PRXL2C: variants seen among roughly 807,000 people sequenced by gnomAD.
PRXL2C encodes peroxiredoxin-like 2C.
Under a neutral mutation model 24.9 loss-of-function variants are expected in PRXL2C, and 38 were observed. That is an observed-to-expected ratio of 1.53 (90% CI 1.18 to 2.00). The LOEUF is 2.00. Ranked by LOEUF, PRXL2C falls within the 30% of genes most tolerant of loss-of-function variation. The pLI is 0.00. For synonymous variants in PRXL2C, 98 were observed against 117.2 expected, an observed-to-expected ratio of 0.84 and a Z score of 1.06; for missense variants, 294 against 290.9, an observed-to-expected ratio of 1.01 and a Z score of -0.08.
chr9:96,654,690 C>T lies in PRXL2C; in HGVS notation c.261+15G>A, dbSNP rs1488080159. ...GCAGAAGCGGGCACTGGGCCGCCCA[C>T]GCTGGGAAACTCACTTGTAAGAAAC... On this transcript the variant is annotated intron_variant, in intron 2 of 5. Coordinates refer to ENST00000375234, the MANE Select transcript of PRXL2C (RefSeq NM_153698.2). 1.3e-6 allele frequency: 2 copies of T among 1,555,442 alleles called. No individual in the cohort carries two copies. Among genetic ancestry groups the T allele is most frequent in the African/African-American group, 1.4e-5 (1 of 73,450 alleles).
chr9:96,643,566 A>G (rs1037964159), intron 5 of PRXL2C, among the ~76,000 whole-genome samples: 1 of 152,146 alleles, frequency 6.6e-6, no homozygotes, highest in African/African-American at 2.4e-5. Context: ...TTATTCTTAC[A>G]CAACAGAAGA....
intron 2 of PRXL2C, among the ~76,000 whole-genome samples, chr9:96,652,426 C>T (rs1848279454): frequency 6.7e-6 from 1 of 150,330 alleles, no homozygotes; most frequent in Non-Finnish European, 1.5e-5. Context: ...GAGGCTGAGG[C>T]AGGAGAATCA....
intron 1 of PRXL2C, 52 bp from the exon 2 acceptor site, chr9:96,654,825 C>G (rs377563610): frequency 6.6e-7 from 1 of 1,505,550 alleles, no homozygotes; most frequent in South Asian, 1.2e-5. Flanking sequence ...CACCCTCGGG[C>G]CCCGAAGGAT....
At chr9:96,649,290 T>C (rs1242606472) in intron 4 of PRXL2C, among the ~76,000 whole-genome samples, 1 of 150,620 alleles carries the variant, frequency 6.6e-6, no homozygotes, top group East Asian at 2.0e-4. Flanking sequence ...AGGAGCCGGG[T>C]GCGGTGGCTC....
chr9:96,639,949 C>T lies in PRXL2C; in HGVS notation c.*1810G>A, dbSNP rs1369747986. The T allele has an allele frequency of 2.0e-5, 3 of 151,736 alleles. No homozygotes were observed. 9.4% of individuals were successfully genotyped at this position (151,736 alleles called of 1,614,324 possible). A position where few individuals can be genotyped will look rare whatever the true frequency, so the allele number is the denominator to read the frequency against. On this transcript the variant is annotated 3_prime_UTR_variant, in exon 6 of 6. Transcript: ENST00000375234. ...CTTTACTAAAAAATAGAAACTTAGC[C>T]AGGCATGGTGGCGCATGCCTGTAAT...
rs548915570 is a variant in PRXL2C at position 96,655,113 on chromosome 9, G to T, written c.169C>A (p.Arg57Ser). 3.5e-6 allele frequency: 5 copies of T among 1,428,496 alleles called. No homozygotes were observed. The South Asian group carries it at 7.0e-5, about 20-fold the overall frequency. The allele number at this position is 1,428,496 out of a possible 1,614,324, so 88.5% of individuals were successfully genotyped here. Residue 57 changes from arginine (R) to serine (S), a missense_variant, in exon 1 of 6, where the codon CGC (arginine) becomes AGC (serine). Physicochemically the swap from Arg to Ser is moderately radical, Grantham distance 110. Coordinates refer to ENST00000375234, the MANE Select transcript of PRXL2C (RefSeq NM_153698.2). ...ACCCGCACGAACACCACCACGGCGC[G>T]GCGCTCCCGGAACAGCGCGCCGAAC... ...VPFGALFRER[R>S]AVVVFVRHFL... is the part of the protein sequence containing the mutation.
intron 2 of PRXL2C, among the ~76,000 whole-genome samples, chr9:96,653,854 T>G (rs1449495825): frequency 6.6e-6 from 1 of 151,828 alleles, no homozygotes; most frequent in Non-Finnish European, 1.5e-5. Flanking sequence ...TTTTTTTTTC[T>G]TTTTTAGACG....
At chr9:96,652,744 T>C (rs1346561894) in intron 2 of PRXL2C, among the ~76,000 whole-genome samples, 1 of 152,094 alleles carries the variant, frequency 6.6e-6, no homozygotes, top group African/African-American at 2.4e-5. Flanking sequence ...CGGAAAACAG[T>C]CTGGAAGTTA....
chr9:96,644,846 C>T (rs1848168725), intron 5 of PRXL2C, among the ~76,000 whole-genome samples: 1 of 138,982 alleles, frequency 7.2e-6, no homozygotes, highest in Admixed American at 7.6e-5. Context: ...GAGTAAGTCT[C>T]CTAGTTTTGT....
chr9:96,652,256 G>T (rs963523110), intron 2 of PRXL2C, among the ~76,000 whole-genome samples: 1 of 152,186 alleles, frequency 6.6e-6, no homozygotes, highest in African/African-American at 2.4e-5. Context: ...TGAGCATGGT[G>T]GCTTACGCCT....
chr9:96,645,746 G>A (rs1848189581), intron 5 of PRXL2C, 147 bp downstream of exon 5: 2 of 868,830 alleles, frequency 2.3e-6, no homozygotes, highest in Non-Finnish European at 3.3e-6. Flanking sequence ...GCAGTGAGCC[G>A]AGATTGCGCC....
At chr9:96,645,555 T>C (rs572725378) in intron 5 of PRXL2C, among the ~76,000 whole-genome samples, 1,993 of 151,788 alleles carry the variant, frequency 0.013, 49 homozygotes, top group African/African-American at 0.045. Flanking sequence ...CCCAACACTT[T>C]GGGAGGCCGA....
In PRXL2C at chr9:96,644,881, C is replaced by CTTTTTTTTTTTTTT. The variant is rs530343244; in HGVS notation, c.553+998_553+1011dup. ...TTAGGTATAAATAACTACATGGATT[C>CTTTTTTTTTTTTTT]TTTTTTTTTTTTTTTTTTTTTTTTT... On this transcript the variant is annotated intron_variant, in intron 5 of 5. Coordinates refer to ENST00000375234, the MANE Select transcript of PRXL2C (RefSeq NM_153698.2). Among the ~76,000 whole-genome samples, 3 of 36,694 alleles carry CTTTTTTTTTTTTTT rather than the reference C, an allele frequency of 8.2e-5. 1 individual carries two copies. The highest frequency in any genetic ancestry group is 1.3e-4 in the Non-Finnish European group (2 of 15,320). 24.1% of individuals were successfully genotyped at this position (36,694 alleles called of 152,430 possible).
intron 4 of PRXL2C, among the ~76,000 whole-genome samples, chr9:96,647,516 G>T (rs529514531): frequency 4.0e-4 from 61 of 152,222 alleles, no homozygotes; most frequent in Non-Finnish European, 7.4e-4. Flanking sequence ...TTGAGTAAAA[G>T]ATTAAGTTTT....
Position 96,651,507 on chromosome 9 carries a change from G to A in PRXL2C, c.316-12C>T. The A allele has an allele frequency of 6.3e-7, 1 of 1,599,990 alleles. No individual in the cohort carries two copies. The highest frequency in any genetic ancestry group is 8.5e-7 in the Non-Finnish European group (1 of 1,172,338). ...AGCTTGCAAAAAGGCTGAAAAGAGA[G>A]AATGGTTGGAATTTTTACAAGAACA... On this transcript the variant is annotated splice_polypyrimidine_tract_variant and intron_variant, in intron 3 of 5. Coordinates refer to ENST00000375234, the MANE Select transcript of PRXL2C (RefSeq NM_153698.2).
chr9:96,649,967 T>C (rs1260660253), intron 4 of PRXL2C, among the ~76,000 whole-genome samples: 1 of 152,210 alleles, frequency 6.6e-6, no homozygotes, highest in Non-Finnish European at 1.5e-5. Flanking sequence ...GAAGGAGTCA[T>C]GTTTTCTCAT....
At chr9:96,651,242 C>T (rs900571196) in intron 4 of PRXL2C, 148 bp downstream of exon 4, 7 of 609,606 alleles carry the variant, frequency 1.1e-5, no homozygotes, top group Admixed American at 3.3e-5. Flanking sequence ...CACACCACTG[C>T]ACTCCTGCCC....
intron 2 of PRXL2C, among the ~76,000 whole-genome samples, chr9:96,652,452 C>T (rs528167191): frequency 3.4e-5 from 5 of 148,404 alleles, no homozygotes; most frequent in South Asian, 2.1e-4. Flanking sequence ...ACCTAGGAGG[C>T]GAAGGTTGTA....
intron 5 of PRXL2C, among the ~76,000 whole-genome samples, chr9:96,644,065 G>A (rs1463085203): frequency 3.3e-5 from 5 of 150,714 alleles, no homozygotes; most frequent in African/African-American, 7.4e-5. Flanking sequence ...CCCGGGAGGC[G>A]GAGGTTGTAG....
Sources: allele counts gnomAD v4.1 joint callset (sites outside exome capture counted in the v4.1 genomes callset), GRCh38; gene constraint gnomAD v4.1.1; transcripts MANE v1.5; gene names NCBI Gene and HGNC (gene_info 2026-07-23, HGNC 2026-07-21).